CNTN4: variants seen among roughly 807,000 people sequenced by gnomAD.
The protein encoded by CNTN4 is contactin-4.
A neutral mutation model predicts 122.5 loss-of-function variants in CNTN4; 77 were observed. The observed-to-expected ratio is 0.63, with a 90% confidence interval of 0.52 to 0.76. The LOEUF (loss-of-function observed/expected upper bound fraction) is 0.76, where lower values mean the gene tolerates loss of function less well. Ranked by LOEUF, CNTN4 falls within the 30% of genes least tolerant of loss-of-function variation. CNTN4 has a pLI of 0.00. For missense variants in CNTN4, 1,256 were observed against 1,259.1 expected (o/e 1.00, Z 0.04); for synonymous variants, 512 against 447.0 (o/e 1.15, Z -1.83).
At chr3:2,155,594 C>T (rs1285505235) in intron 2 of CNTN4, among the ~76,000 whole-genome samples, 3 of 152,156 alleles carry the variant, frequency 2.0e-5, no homozygotes, top group South Asian at 2.1e-4. Flanking sequence ...TCAGCTATGT[C>T]GCCAGTGGGC....
At chr3:2,783,788 A>G (rs181631056) in intron 6 of CNTN4, among the ~76,000 whole-genome samples, 3 of 152,314 alleles carry the variant, frequency 2.0e-5, no homozygotes, top group African/African-American at 7.2e-5. Context: ...TTGAAATATC[A>G]TTTGATCACT....
intron 6 of CNTN4, among the ~76,000 whole-genome samples, chr3:2,803,024 A>G (rs1227224760): frequency 6.6e-6 from 1 of 152,224 alleles, no homozygotes; most frequent in Admixed American, 6.5e-5. Flanking sequence ...GAGATATAGT[A>G]GGAAAAGATA....
At chr3:2,438,601 A>G (rs567954704) in intron 3 of CNTN4, among the ~76,000 whole-genome samples, 2 of 152,342 alleles carry the variant, frequency 1.3e-5, no homozygotes, top group South Asian at 2.1e-4. Flanking sequence ...GGCCCAAACA[A>G]TGTCTTTTAC....
chr3:2,531,346 G>T (rs1559645228), intron 3 of CNTN4, among the ~76,000 whole-genome samples: 3 of 152,062 alleles, frequency 2.0e-5, no homozygotes, highest in African/African-American at 4.8e-5. Context: ...TTTTTGCTTA[G>T]TTTTCCTCAG....
At chr3:2,784,441 G>A (rs2091731835) in intron 6 of CNTN4, among the ~76,000 whole-genome samples, 1 of 152,018 alleles carries the variant, frequency 6.6e-6, no homozygotes, top group Non-Finnish European at 1.5e-5. Flanking sequence ...TTTTTCAGAT[G>A]AGGAAACTGA....
intron 14 of CNTN4, among the ~76,000 whole-genome samples, chr3:3,011,478 T>C (rs981455843): frequency 6.6e-6 from 1 of 152,174 alleles, no homozygotes; most frequent in Non-Finnish European, 1.5e-5. Flanking sequence ...TCCCTTGACT[T>C]GATGTCATTC....
At chr3:3,037,374 T>G (rs1375882270) in intron 18 of CNTN4, 46 bp downstream of exon 18, 1 of 1,613,512 alleles carries the variant, frequency 6.2e-7, no homozygotes, top group East Asian at 2.2e-5. Flanking sequence ...CCAGCTGCTG[T>G]TCCTTAGGAA....
chr3:2,210,916 T>C lies in CNTN4; in HGVS notation c.-145+110277T>C, dbSNP rs147869915. 3.0e-3 allele frequency among the ~76,000 whole-genome samples: 457 copies of C among 152,354 alleles called. 2 individuals carry two copies. Among genetic ancestry groups the C allele is most frequent in the Non-Finnish European group, 5.0e-3 (339 of 68,034 alleles). ...TCAACTAATGTTTGTCAAACAATTA[T>C]GTTTAGCCCATAAAACAATTTTCCT... On this transcript the variant is annotated intron_variant, in intron 2 of 24. Transcript: ENST00000418658.
chr3:2,627,784 T>A, intron 4 of CNTN4, among the ~76,000 whole-genome samples: 1 of 152,280 alleles, frequency 6.6e-6, no homozygotes, highest in East Asian at 1.9e-4. Context: ...TGAGCCACCG[T>A]GCCTGGCCAA....
intron 4 of CNTN4, among the ~76,000 whole-genome samples, chr3:2,601,590 G>A (rs539528327): frequency 3.3e-5 from 5 of 152,142 alleles, no homozygotes; most frequent in Non-Finnish European, 7.4e-5. Context: ...CCAGTACCAT[G>A]CTGTTTTGGT....
At chr3:2,744,962 C>CAAAGTGT (rs1165905563) in intron 5 of CNTN4, among the ~76,000 whole-genome samples, 2 of 152,140 alleles carry the variant, frequency 1.3e-5, no homozygotes, top group African/African-American at 4.8e-5. Context: ...AGGAGCTCTT[C>CAAAGTGT]AAAGTGATCC....
intron 6 of CNTN4, among the ~76,000 whole-genome samples, chr3:2,753,674 A>T (rs4685553): frequency 0.59 from 90,153 of 152,062 alleles, 29,243 homozygotes; most frequent in Non-Finnish European, 0.72. Flanking sequence ...TTTATGTTCA[A>T]TCCGTAGATT....
At chr3:2,424,775 G>T (rs1223961765) in intron 3 of CNTN4, among the ~76,000 whole-genome samples, 2 of 152,138 alleles carry the variant, frequency 1.3e-5, no homozygotes, top group Non-Finnish European at 1.5e-5. Flanking sequence ...GTGTGAGATG[G>T]CGTCTCATTG....
At chr3:2,380,057 CAAAAAA>C (rs5846182) in intron 3 of CNTN4, among the ~76,000 whole-genome samples, 3 of 119,816 alleles carry the variant, frequency 2.5e-5, no homozygotes, top group Admixed American at 8.5e-5. Flanking sequence ...AACTCCATCT[CAAAAAA>C]AAAAAAAAAA....
At chr3:2,317,376 A>G (rs1163055947) in intron 2 of CNTN4, among the ~76,000 whole-genome samples, 1 of 152,180 alleles carries the variant, frequency 6.6e-6, no homozygotes, top group Admixed American at 6.5e-5. Context: ...CGGGCAGAGG[A>G]TTCATCAAAA....
At chr3:2,216,812 G>C (rs540330868) in intron 2 of CNTN4, among the ~76,000 whole-genome samples, 9 of 152,096 alleles carry the variant, frequency 5.9e-5, no homozygotes, top group African/African-American at 2.2e-4. Context: ...CCATAGTTAC[G>C]GCCTCTTGAA....
chr3:2,699,624 C>T (rs942714886), intron 4 of CNTN4, among the ~76,000 whole-genome samples: 2 of 152,106 alleles, frequency 1.3e-5, no homozygotes, highest in Admixed American at 6.5e-5. Context: ...GCTTAGTGTC[C>T]GAATGGCTAG....
Position 2,683,081 on chromosome 3 carries a change from C to T in CNTN4, c.56-53134C>T, listed in dbSNP as rs567293135. ...TCCTTAGATTCTCTATAAGACAAAA[C>T]AATCCACCACCATTATTTTTATAGC... is the stretch of plus-strand genomic sequence containing the variant. On this transcript the variant is annotated intron_variant, in intron 4 of 24. Coordinates refer to ENST00000418658, the MANE Select transcript of CNTN4 (RefSeq NM_175607.3). 7.6e-4 allele frequency among the ~76,000 whole-genome samples: 116 copies of T among 152,238 alleles called. No homozygotes were observed. In the South Asian group the frequency reaches 0.023, roughly 31 times the overall value.
chr3:2,298,426 T>G (rs2042388415), intron 2 of CNTN4, among the ~76,000 whole-genome samples: 1 of 152,174 alleles, frequency 6.6e-6, no homozygotes, highest in African/African-American at 2.4e-5. Context: ...AATTAAACCT[T>G]GAATTTTCAG....
Sources: allele counts gnomAD v4.1 joint callset (sites outside exome capture counted in the v4.1 genomes callset), GRCh38; gene constraint gnomAD v4.1.1; transcripts MANE v1.5; gene names NCBI Gene and HGNC (gene_info 2026-07-23, HGNC 2026-07-21).